FCAMR: variants seen among roughly 807,000 people sequenced by gnomAD.
The protein encoded by FCAMR is high affinity immunoglobulin alpha and immunoglobulin mu Fc receptor.
A neutral mutation model predicts 52.2 loss-of-function variants in FCAMR; 51 were observed. The ratio of observed to expected loss-of-function variants is 0.98; its 90% CI spans 0.78 to 1.23. The LOEUF (loss-of-function observed/expected upper bound fraction) is 1.23, where lower values mean the gene tolerates loss of function less well. Ranked by LOEUF, FCAMR falls within the 50% of genes most tolerant of loss-of-function variation. FCAMR has a pLI of 0.00. For synonymous variants in FCAMR, 282 were observed against 262.0 expected (o/e 1.08, Z -0.74); for missense variants, 719 against 712.6 (o/e 1.01, Z -0.10).
intron 4 of FCAMR, among the ~76,000 whole-genome samples, chr1:206,965,263 A>G (rs1388213296): frequency 6.6e-6 from 1 of 152,226 alleles, no homozygotes; most frequent in Non-Finnish European, 1.5e-5. Context: ...TCCACTAATC[A>G]GCAGGATGGG....
Position 206,958,708 on chromosome 1 carries a change from C to G in FCAMR, c.1574-32G>C, listed in dbSNP as rs773750766. On this transcript the variant is annotated intron_variant, in intron 7 of 7. Coordinates refer to ENST00000324852, the MANE Select transcript of FCAMR (RefSeq NM_001170631.2). ...AGACACAGAGCAGACTGTGAGGGTT[C>G]TGGGTAAGGACAGCACTGACTTTGA... The G allele has an allele frequency of 2.2e-5, 36 of 1,613,694 alleles. No individual in the cohort carries two copies. In the Admixed American group the frequency reaches 3.7e-4, roughly 16 times the overall value.
At chr1:206,959,104 C>T (rs1680385540) in intron 7 of FCAMR, 2 of 353,160 alleles carry the variant, frequency 5.7e-6, no homozygotes, top group Middle Eastern at 5.6e-4. Context: ...GCATCACAGC[C>T]TTTGTAATCT....
intron 3 of FCAMR, among the ~76,000 whole-genome samples, chr1:206,966,171 G>A (rs1228044710): frequency 6.6e-6 from 1 of 152,186 alleles, no homozygotes; most frequent in African/African-American, 2.4e-5. Flanking sequence ...GAAGATTAAA[G>A]TGCTGACCAA....
rs2102268478 is a variant in FCAMR, at chr1:206,967,116, C to T, written c.109-4G>A. ...ATCCCGCCCTCCTGCTGGTGACCTG[C>T]AAAAAACACTCTAAATGAAAAGAGG... is the stretch of plus-strand genomic sequence containing the variant. On this transcript the variant is annotated splice_region_variant and splice_polypyrimidine_tract_variant and intron_variant, in intron 2 of 7. Transcript: ENST00000324852. 4 of 1,613,350 alleles carry T rather than the reference C, an allele frequency of 2.5e-6. No individual in the cohort carries two copies. The highest frequency in any genetic ancestry group is 3.4e-6 in the Non-Finnish European group (4 of 1,179,798).
chr1:206,960,989 C>T lies in FCAMR; in HGVS notation c.887G>A (p.Ser296Asn), dbSNP rs1429708798. 1.3e-6 allele frequency: 2 copies of T among 1,551,934 alleles called. No homozygotes were observed. The highest frequency in any genetic ancestry group is 1.7e-6 in the Non-Finnish European group (2 of 1,147,042). The change falls in exon 6 of 8, where the codon AGC becomes AAC. Residue 296 changes from serine to asparagine, a missense_variant. By Grantham distance (46) the Ser-to-Asn change is conservative. Transcript: ENST00000324852. ...ATRPAAPGTG[S>N]WAEGSVKAPA... ...TGCTTTGACAGAACCCTCTGCCCAG[C>T]TGCCTGTCCCTGGAGCTGCTGGCCT...
rs1243559879 is a variant in FCAMR at position 206,970,200 on chromosome 1, G to T, written c.-75C>A. 9.7e-6 allele frequency: 15 copies of T among 1,551,608 alleles called. No homozygotes were observed. Among genetic ancestry groups the T allele is most frequent in the Non-Finnish European group, 1.2e-5 (14 of 1,126,576 alleles). ...GCAGGTGTTTGGACGACTTCTAGTT[G>T]CTCTCCTTTAAACCTGGAGACTGAG... On this transcript the variant is annotated 5_prime_UTR_variant, in exon 1 of 8. Coordinates refer to ENST00000324852, the MANE Select transcript of FCAMR (RefSeq NM_001170631.2).
chr1:206,960,237 A>G (rs1420311477), intron 6 of FCAMR, 185 bp downstream of exon 6: 11 of 604,524 alleles, frequency 1.8e-5, no homozygotes, highest in Non-Finnish European at 2.9e-5. Flanking sequence ...TGAAAACCAC[A>G]TGGAAATACT....
chr1:206,962,008 A>C (rs1357041371), intron 5 of FCAMR, among the ~76,000 whole-genome samples: 1 of 152,232 alleles, frequency 6.6e-6, no homozygotes, highest in Admixed American at 6.5e-5. Context: ...TCACTGGGGA[A>C]GTTTTTCCTA....
At chr1:206,961,277 G>T in intron 5 of FCAMR, 54 bp from the exon 6 acceptor site, 1 of 1,441,326 alleles carries the variant, frequency 6.9e-7, no homozygotes, top group East Asian at 2.5e-5. Flanking sequence ...CCACCTACTG[G>T]ATTTGGCAAA....
chr1:206,965,633 G>T, intron 4 of FCAMR, 82 bp downstream of exon 4: 1 of 1,464,856 alleles, frequency 6.8e-7, no homozygotes, highest in Non-Finnish European at 9.0e-7. Context: ...GCTGCCTATA[G>T]CTGTAGGGAG....
At chr1:206,960,238 T>G in intron 6 of FCAMR, 184 bp downstream of exon 6, 1 of 606,494 alleles carries the variant, frequency 1.6e-6, no homozygotes. Flanking sequence ...GAAAACCACA[T>G]GGAAATACTC....
intron 1 of FCAMR, 140 bp from the exon 2 acceptor site, chr1:206,967,791 T>C: frequency 1.4e-6 from 1 of 736,372 alleles, no homozygotes; most frequent in Non-Finnish European, 2.3e-6. Flanking sequence ...CTGTTTCTTC[T>C]CCACAACTTC....
In FCAMR at chr1:206,960,960, C is replaced by G. The variant is rs1417774537; in HGVS notation, c.916G>C (p.Ala306Pro). 1.3e-6 allele frequency: 2 copies of G among 1,551,916 alleles called. No homozygotes were observed. The highest frequency in any genetic ancestry group is 1.7e-6 in the Non-Finnish European group (2 of 1,147,070). Reference sequence around the variant, plus strand: ...GAAGGTGGACTCTCTGGAATCGGAGCAGGTGCTTTGACAGAACCCTCTGCC... The same window carrying G: ...GAAGGTGGACTCTCTGGAATCGGAGGAGGTGCTTTGACAGAACCCTCTGCC... ...SWAEGSVKAP[A>P]PIPESPPSKS... Residue 306 changes from alanine (A) to proline (P), a missense_variant, in exon 6 of 8, where the codon GCT (alanine) becomes CCT (proline). Physicochemically the swap from Ala to Pro is conservative, Grantham distance 27. Transcript: ENST00000324852.
At chr1:206,962,130 C>A (rs1333998878) in intron 5 of FCAMR, 83 bp downstream of exon 5, 6 of 1,385,026 alleles carry the variant, frequency 4.3e-6, no homozygotes, top group African/African-American at 1.4e-5. Context: ...TCAAGCCCTT[C>A]TGGGTCTCTG....
Position 206,962,556 on chromosome 1 carries a change from A to G in FCAMR, c.314-5T>C. 1 of 1,532,854 alleles carries G rather than the reference A, an allele frequency of 6.5e-7. No individual in the cohort carries two copies. The highest frequency in any genetic ancestry group is 8.8e-7 in the Non-Finnish European group (1 of 1,135,148). The allele number at this position is 1,532,854 out of a possible 1,614,324, so 95.0% of individuals were successfully genotyped here. A position where few individuals can be genotyped will look rare whatever the true frequency, so the allele number is the denominator to read the frequency against. On this transcript the variant is annotated splice_polypyrimidine_tract_variant and splice_region_variant and intron_variant, in intron 4 of 7. Coordinates refer to ENST00000324852, the MANE Select transcript of FCAMR (RefSeq NM_001170631.2). ...AGCCCTTCAATGAATTTGGAGCTGCAGACAGAGAAGGAAGTCAAAGGAGAG... is the reference window on the plus strand; with the variant it reads ...AGCCCTTCAATGAATTTGGAGCTGCGGACAGAGAAGGAAGTCAAAGGAGAG...
chr1:206,965,725 G>A lies in FCAMR; in HGVS notation c.303C>T (p.Ser101=). 1 of 1,572,610 alleles carries A rather than the reference G, an allele frequency of 6.4e-7. No homozygotes were observed. The highest frequency in any genetic ancestry group is 8.6e-7 in the Non-Finnish European group (1 of 1,164,768). Reference sequence around the variant, plus strand: ...GAGTAGGGGTTGTACCTGCAAAGGAGCTCTCCTCCCGCCAGCAGAGGGGCG... The same window carrying A: ...GAGTAGGGGTTGTACCTGCAAAGGAACTCTCCTCCCGCCAGCAGAGGGGCG... ...PSSPLCWREE[S]SFAAPNSLKG... is the part of the protein sequence containing the mutation. The change falls in exon 4 of 8, where the codon AGC becomes AGT. Residue 101 remains serine (S), a synonymous_variant. Transcript: ENST00000324852.
chr1:206,959,991 T>A, intron 6 of FCAMR, 194 bp from the exon 7 acceptor site: 1 of 571,568 alleles, frequency 1.7e-6, no homozygotes, highest in Admixed American at 3.0e-5. Context: ...CAAGCCTGAA[T>A]CCTTTTCCCT....
Position 206,965,189 on chromosome 1 carries a change from G to A in FCAMR, c.313+526C>T, listed in dbSNP as rs760728166. Among the ~76,000 whole-genome samples, 127 of 152,190 alleles carry A rather than the reference G, an allele frequency of 8.3e-4. 1 individual carries two copies. Among genetic ancestry groups the A allele is most frequent in the South Asian group, 1.4e-3 (7 of 4,834 alleles). ...AATAGTGATGATGCCCTGATAAAGT[G>A]TGCATACCCCAGATTTCAGGAATTC... On this transcript the variant is annotated intron_variant, in intron 4 of 7. Transcript: ENST00000324852.
chr1:206,959,474 C>CT (rs1680402226), intron 7 of FCAMR, among the ~76,000 whole-genome samples: 1 of 113,796 alleles, frequency 8.8e-6, no homozygotes, highest in Non-Finnish European at 1.7e-5. Flanking sequence ...AAGAGTCTGT[C>CT]TAAAAAAAAA....
Sources: allele counts gnomAD v4.1 joint callset (sites outside exome capture counted in the v4.1 genomes callset), GRCh38; gene constraint gnomAD v4.1.1; transcripts MANE v1.5; gene names NCBI Gene and HGNC (gene_info 2026-07-23, HGNC 2026-07-21).